The following MIAT variants were observed in gnomAD, a reference collection of about 807,000 sequenced individuals.
The protein encoded by MIAT is myocardial infarction associated transcript.
chr22:26,649,666 G>A (rs1252724607), intron 2 of MIAT, among the ~76,000 whole-genome samples: 1 of 152,250 alleles, frequency 6.6e-6, no homozygotes, highest in Non-Finnish European at 1.5e-5. Flanking sequence ...TGTAATCCCA[G>A]CACTTTGGGA....
intron 2 of MIAT, among the ~76,000 whole-genome samples, chr22:26,653,069 G>A (rs1197357433): frequency 6.6e-6 from 1 of 152,174 alleles, no homozygotes; most frequent in Non-Finnish European, 1.5e-5. Context: ...CTCAAACCAA[G>A]CATGAACTGC....
chr22:26,673,484 A>C (rs958047731), downstream of MIAT: 2 of 398,768 alleles, frequency 5.0e-6, no homozygotes, highest in Admixed American at 4.4e-5. Flanking sequence ...CCGGTTCTTA[A>C]TTAACCTTTC....
chr22:26,669,365 T>G (rs375210494), exon 6 of MIAT: 11 of 398,654 alleles, frequency 2.8e-5, no homozygotes, highest in African/African-American at 1.2e-4. Flanking sequence ...GTGTTAAGAC[T>G]TGGTTTCTGG....
chr22:26,649,565 C>A (rs1307014285), intron 2 of MIAT, among the ~76,000 whole-genome samples: 1 of 152,180 alleles, frequency 6.6e-6, no homozygotes, highest in East Asian at 1.9e-4. Context: ...CAAGGGGCAG[C>A]CTGGAGGTGG....
chr22:26,660,178 A>G (rs2146005914), intron 2 of MIAT, among the ~76,000 whole-genome samples: 1 of 150,900 alleles, frequency 6.6e-6, no homozygotes, highest in African/African-American at 2.4e-5. Flanking sequence ...TATATTTTCT[A>G]TTATTGAAAT....
At chr22:26,672,427 G>A (rs987885035), downstream of MIAT, 37 of 399,352 alleles carry the variant, frequency 9.3e-5, 1 homozygote, top group Admixed American at 1.3e-4. Flanking sequence ...AGGTGGTCCT[G>A]TGGATGTGGG....
exon 5 of MIAT, chr22:26,675,034 A>T: frequency 2.5e-6 from 1 of 398,778 alleles, no homozygotes; most frequent in Non-Finnish European, 4.4e-6. Context: ...ACTCTGTGCC[A>T]GGCGTGTGCC....
chr22:26,663,782 ATG>A (rs1602363729), intron 3 of MIAT, among the ~76,000 whole-genome samples: 1 of 152,248 alleles, frequency 6.6e-6, no homozygotes, highest in East Asian at 1.9e-4. Flanking sequence ...ACACATTTCA[ATG>A]TGTTTTGACA....
chr22:26,673,447 G>T (rs115820072), downstream of MIAT: 1,689 of 398,804 alleles, frequency 4.2e-3, 18 homozygotes, highest in African/African-American at 0.032. Context: ...CCTGTCTGGG[G>T]GTTCCAGGCT....
intron 1 of MIAT, chr22:26,647,046 A>T (rs1602351730): frequency 2.5e-6 from 1 of 398,026 alleles, no homozygotes; most frequent in Non-Finnish European, 4.4e-6. Flanking sequence ...GGAAAGACTG[A>T]CCTTTAGAAG....
downstream of MIAT, chr22:26,673,165 C>T (rs1402589491): frequency 5.0e-6 from 2 of 398,518 alleles, no homozygotes; most frequent in African/African-American, 2.1e-5. Context: ...CTCAGGGGCT[C>T]ACAGGGTTCC....
exon 5 of MIAT, chr22:26,676,296 T>A: frequency 2.5e-6 from 1 of 398,604 alleles, no homozygotes; most frequent in Non-Finnish European, 4.4e-6. Context: ...GATGTTTGTT[T>A]TCCATGTCAT....
chr22:26,660,276 A>G (rs1399959091), intron 2 of MIAT, among the ~76,000 whole-genome samples: 1 of 151,600 alleles, frequency 6.6e-6, no homozygotes, highest in African/African-American at 2.4e-5. Flanking sequence ...GTTCGAGACC[A>G]GCCTGGTCAA....
intron 1 of MIAT, chr22:26,646,999 C>A: frequency 2.5e-6 from 1 of 398,426 alleles, no homozygotes; most frequent in South Asian, 1.3e-4. Flanking sequence ...GCAGCCCTTT[C>A]AAGGTGGGCA....
chr22:26,654,659 C>T (rs1337158071), intron 2 of MIAT, among the ~76,000 whole-genome samples: 1 of 152,184 alleles, frequency 6.6e-6, no homozygotes, highest in Non-Finnish European at 1.5e-5. Context: ...TGTCACTGCA[C>T]TCCAGCCTGG....
chr22:26,650,698 A>G (rs4822760), intron 2 of MIAT, among the ~76,000 whole-genome samples: 1 of 152,100 alleles, frequency 6.6e-6, no homozygotes, highest in Non-Finnish European at 1.5e-5. Flanking sequence ...CCATGCCCAG[A>G]TGAACAGACC....
chr22:26,659,841 T>C (rs1930599333), intron 2 of MIAT, among the ~76,000 whole-genome samples: 1 of 73,364 alleles, frequency 1.4e-5, no homozygotes, highest in African/African-American at 5.4e-5. Context: ...TCTTTCTTTC[T>C]TTTTTTTTTT....
At chr22:26,653,055 A>G (rs1930365754) in intron 2 of MIAT, among the ~76,000 whole-genome samples, 1 of 152,138 alleles carries the variant, frequency 6.6e-6, no homozygotes, top group Admixed American at 6.6e-5. Flanking sequence ...TGCCAGCTCT[A>G]CTTCTCAAAC....
exon 5 of MIAT, chr22:26,675,644 C>T (rs1834352955): frequency 5.0e-6 from 2 of 398,534 alleles, no homozygotes; most frequent in Non-Finnish European, 8.8e-6. Context: ...AAAATAAAGG[C>T]TCGGAAGGGG....
Sources: gnomAD v4.1 joint callset for allele counts (sites outside exome capture counted in the v4.1 genomes callset) on GRCh38, gnomAD v4.1.1 for gene constraint, MANE v1.5 for transcripts, NCBI Gene and HGNC (gene_info 2026-07-23, HGNC 2026-07-21) for gene names.